Variants in TRPV1 observed in about 807,000 individuals in gnomAD.
TRPV1 encodes OTRPC1.
In TRPV1, 82 loss-of-function variants were observed where a neutral mutation model predicts 82.3. The ratio of observed to expected loss-of-function variants is 1.00; its 90% CI spans 0.83 to 1.20. The LOEUF (loss-of-function observed/expected upper bound fraction) is 1.20. Ranked by LOEUF, TRPV1 falls within the 50% of genes most tolerant of loss-of-function variation. The pLI is 0.00. For missense variants in TRPV1, 1,067 were observed against 1,096.8 expected (o/e 0.97, Z 0.38); for synonymous variants, 515 against 467.7 (o/e 1.10, Z -1.30).
rs200375249 is a variant in TRPV1, at chr17:3,573,780, C to G, written c.1956G>C (p.Glu652Asp). Residue 652 changes from glutamate (E) to aspartate (D), a missense_variant, in exon 14 of 17, where the codon GAG becomes GAC. Physicochemically the swap from Glu to Asp is conservative, Grantham distance 45. Transcript: ENST00000572705. Reference protein sequence around the residue: ...TIGMGDLEFTENYDFKAVFII... With the variant: ...TIGMGDLEFTDNYDFKAVFII... ...TGAAGACAGCCTTGAAGTCATAGTTCTCAGTGAACTCCAGGTCGCCCATGC... is the reference window on the plus strand; with the variant it reads ...TGAAGACAGCCTTGAAGTCATAGTTGTCAGTGAACTCCAGGTCGCCCATGC... The G allele has an allele frequency of 1.2e-6, 2 of 1,613,796 alleles. No homozygotes were observed. The highest frequency in any genetic ancestry group is 1.3e-5 in the African/African-American group (1 of 74,852).
At chr17:3,594,182 T>A (rs1034320896) in intron 2 of TRPV1, among the ~76,000 whole-genome samples, 1 of 137,432 alleles carries the variant, frequency 7.3e-6, no homozygotes, top group Non-Finnish European at 1.5e-5. Context: ...CAGCAGCAGC[T>A]GCACACATGG....
chr17:3,595,303 TCA>T (rs1160038717), intron 2 of TRPV1, among the ~76,000 whole-genome samples: 2 of 151,882 alleles, frequency 1.3e-5, no homozygotes, highest in Non-Finnish European at 2.9e-5. Flanking sequence ...GTCCCCGAGG[TCA>T]CACAGTCAGA....
At chr17:3,574,278 T>A (rs1030693368) in intron 13 of TRPV1, among the ~76,000 whole-genome samples, 2 of 152,140 alleles carry the variant, frequency 1.3e-5, no homozygotes, top group Non-Finnish European at 2.9e-5. Flanking sequence ...TTGGCCTGCA[T>A]CCCTCAGAGG....
In TRPV1 at chr17:3,596,671, C is replaced by A. The variant is rs1045474151; in HGVS notation, c.-33-4288G>T. Among the ~76,000 whole-genome samples, 9 of 152,352 alleles carry A rather than the reference C, an allele frequency of 5.9e-5. No individual in the cohort carries two copies. The South Asian group carries it at 6.2e-4, about 11-fold the overall frequency. On this transcript the variant is annotated intron_variant, in intron 2 of 16. Transcript: ENST00000572705. Reference sequence around the variant, plus strand: ...CCAGTAACAACAACCTCCACTCTCACCTCCCAGGTGCTTCCAAGGAGCCAG... The same window carrying A: ...CCAGTAACAACAACCTCCACTCTCAACTCCCAGGTGCTTCCAAGGAGCCAG...
chr17:3,576,032 A>G (rs908261335), intron 13 of TRPV1, among the ~76,000 whole-genome samples: 2 of 150,652 alleles, frequency 1.3e-5, no homozygotes, highest in Admixed American at 6.6e-5. Flanking sequence ...CAAGACCAAC[A>G]TGACAAAACC....
chr17:3,566,426 G>A lies in TRPV1; in HGVS notation c.*389C>T, dbSNP rs185087964. On this transcript the variant is annotated 3_prime_UTR_variant, in exon 17 of 17. Transcript: ENST00000572705. ...GGAGAATTGCTGGAATCCAGGAGGC[G>A]GAGGTTGCAGGGAGCCAAAATTGTG... is the stretch of plus-strand genomic sequence containing the variant. The A allele has an allele frequency of 6.9e-4, 107 of 154,476 alleles. 2 individuals carry two copies. Among genetic ancestry groups the A allele is most frequent in the Admixed American group, 5.0e-3 (77 of 15,296 alleles). The allele number at this position is 154,476 out of a possible 1,614,324, so 9.6% of individuals were successfully genotyped here. A position where few individuals can be genotyped will look rare whatever the true frequency, so the allele number is the denominator to read the frequency against.
In TRPV1 at chr17:3,592,294, G is replaced by A. The variant is rs2075169793; in HGVS notation, c.57C>T (p.Asp19=). ...LGAAADPLQK[D]TCPDPLDGDP... is the part of the protein sequence containing the mutation. ...CTCCATCCAGGGGGTCTGGGCAGGT[G>A]TCCTTTTGGAGTGGGTCCGCAGCTG... Residue 19 remains aspartate, a synonymous_variant, in exon 3 of 17, where the codon GAC becomes GAT. Coordinates refer to ENST00000572705, the MANE Select transcript of TRPV1 (RefSeq NM_080704.4). 2 of 1,602,896 alleles carry A rather than the reference G, an allele frequency of 1.2e-6. No individual in the cohort carries two copies. The highest frequency in any genetic ancestry group is 2.2e-5 in the South Asian group (2 of 89,502).
intron 7 of TRPV1, among the ~76,000 whole-genome samples, chr17:3,589,209 C>CTTTT (rs11400955): frequency 7.3e-6 from 1 of 137,638 alleles, no homozygotes; most frequent in Non-Finnish European, 1.5e-5. Context: ...TTTCTTTTTC[C>CTTTT]TTTTTTTTTT....
At chr17:3,580,285 G>T (rs767495685) in intron 11 of TRPV1, among the ~76,000 whole-genome samples, 172 bp downstream of exon 11, 1 of 152,160 alleles carries the variant, frequency 6.6e-6, no homozygotes, top group Non-Finnish European at 1.5e-5. Flanking sequence ...CACAGAGCAG[G>T]CCCTCAGTAT....
chr17:3,584,446 T>C (rs1476356691), intron 9 of TRPV1, among the ~76,000 whole-genome samples: 1 of 143,178 alleles, frequency 7.0e-6, no homozygotes, highest in Non-Finnish European at 1.5e-5. Context: ...AGTCATTATG[T>C]GGCCTTAATA....
Position 3,592,383 on chromosome 17 carries a change from C to T in TRPV1, c.-33G>A. 2.6e-6 allele frequency: 4 copies of T among 1,557,606 alleles called. No homozygotes were observed. The highest frequency in any genetic ancestry group is 1.2e-5 in the South Asian group (1 of 85,942). ...GGATCCTCTGTGGCCCAGTGTGCAA[C>T]CTGCAGCAGCCACCACGCCGGGGTT... On this transcript the variant is annotated splice_region_variant and 5_prime_UTR_variant, in exon 3 of 17. Transcript: ENST00000572705.
rs1204323646 is a variant in TRPV1 at position 3,590,977 on chromosome 17, G to C, written c.591C>G (p.Asp197Glu). 15 of 1,606,794 alleles carry C rather than the reference G, an allele frequency of 9.3e-6. No homozygotes were observed. Among genetic ancestry groups the C allele is most frequent in the Non-Finnish European group, 1.2e-5 (14 of 1,177,436 alleles). ...LKELVNASYTDSYYKGQTALH... is the reference protein window; with the variant it reads ...LKELVNASYTESYYKGQTALH... ...CGCCCTCCTCACCCTTGTAGTAGCT[G>C]TCCGTGTAGCTGGCGTTGACAAGCT... Residue 197 changes from aspartate (D) to glutamate (E), a missense_variant, in exon 5 of 17, where the codon GAC (aspartate) becomes GAG (glutamate). Physicochemically the swap from Asp to Glu is conservative, Grantham distance 45. Coordinates refer to ENST00000572705, the MANE Select transcript of TRPV1 (RefSeq NM_080704.4).
rs200977776 is a variant in TRPV1 at position 3,566,669 on chromosome 17, G to A, written c.*146C>T. On this transcript the variant is annotated 3_prime_UTR_variant, in exon 17 of 17. Coordinates refer to ENST00000572705, the MANE Select transcript of TRPV1 (RefSeq NM_080704.4). ...CATGCTTCCAAGAACGCTTCCCACA[G>A]CTTGTCCAGCACAGATTTGGGAACA... 1.5e-5 allele frequency: 15 copies of A among 992,146 alleles called. No individual in the cohort carries two copies. Among genetic ancestry groups the A allele is most frequent in the Non-Finnish European group, 2.0e-5 (14 of 695,566 alleles). 61.5% of individuals were successfully genotyped at this position (992,146 alleles called of 1,614,324 possible).
chr17:3,582,904 G>A (rs538287041), intron 10 of TRPV1, among the ~76,000 whole-genome samples: 1 of 148,528 alleles, frequency 6.7e-6, no homozygotes, highest in South Asian at 2.1e-4. Context: ...CCGAGATCGT[G>A]CCACTAGCCT....
intron 7 of TRPV1, among the ~76,000 whole-genome samples, chr17:3,589,287 A>G (rs1447151817): frequency 2.0e-4 from 28 of 141,966 alleles, no homozygotes; most frequent in African/African-American, 7.2e-4. Flanking sequence ...GCTCACTGCC[A>G]CCTCCGCCTC....
rs1392357393 is a variant in TRPV1 at position 3,580,495 on chromosome 17, C to T, written c.1509G>A (p.Met503Ile). ...IQYFLQRRPS[M>I]KTLFVDSYSE... ...TGTAGCTGTCCACAAACAGGGTCTT[C>T]ATCGACGGCCGCCTCTGCAGGAAAT... The change falls in exon 11 of 17, where the codon ATG becomes ATA. Residue 503 changes from methionine to isoleucine, a missense_variant. By Grantham distance (10) the Met-to-Ile change is conservative. Transcript: ENST00000572705. 1 of 1,613,916 alleles carries T rather than the reference C, an allele frequency of 6.2e-7. No individual in the cohort carries two copies. Among genetic ancestry groups the T allele is most frequent in the Non-Finnish European group, 8.5e-7 (1 of 1,179,908 alleles).
intron 2 of TRPV1, among the ~76,000 whole-genome samples, chr17:3,607,300 C>T (rs2075302278): frequency 1.3e-5 from 2 of 151,258 alleles, no homozygotes; most frequent in Middle Eastern, 3.4e-3. Flanking sequence ...GCTGAGATCG[C>T]ACCACTGCAC....
In TRPV1 at chr17:3,585,097, G is replaced by C. The variant is rs992061342; in HGVS notation, c.1383+671C>G. 12 of 152,314 alleles carry C rather than the reference G, an allele frequency of 7.9e-5. 3 individuals are homozygous for C. 9.4% of individuals were successfully genotyped at this position (152,314 alleles called of 1,614,324 possible). A position where few individuals can be genotyped will look rare whatever the true frequency, so the allele number is the denominator to read the frequency against. ...GCTTAGACACCAGCCCACATCCCTG[G>C]GGACCCCCAGGCCAGGGGTGAGCCC... On this transcript the variant is annotated intron_variant, in intron 9 of 16. Transcript: ENST00000572705.
chr17:3,573,551 C>CCCCCCCCCCCCCCCCCTGG, intron 14 of TRPV1, 82 bp downstream of exon 14: 1 of 635,234 alleles, frequency 1.6e-6, no homozygotes. Context: ...ACCCACCCAC[C>CCCCCCCCCCCCCCCCCTGG]TGCAGCCAGC....
Sources: gnomAD v4.1 joint callset for allele counts (sites outside exome capture counted in the v4.1 genomes callset) on GRCh38, gnomAD v4.1.1 for gene constraint, MANE v1.5 for transcripts, NCBI Gene and HGNC (gene_info 2026-07-23, HGNC 2026-07-21) for gene names.